INVS: variants seen among roughly 807,000 people sequenced by gnomAD.
INVS encodes inversin.
INVS carries 86 observed loss-of-function variants against 108.8 expected under a neutral mutation model. The ratio of observed to expected loss-of-function variants is 0.79; its 90% CI spans 0.66 to 0.95. The LOEUF is 0.95. INVS is among the 40% of genes least tolerant of loss of function. The pLI is 0.00. For missense variants in INVS, 1,169 were observed against 1,297.4 expected, an observed-to-expected ratio of 0.90 and a Z score of 1.52; for synonymous variants, 455 against 473.5, an observed-to-expected ratio of 0.96 and a Z score of 0.51.
intron 13 of INVS, among the ~76,000 whole-genome samples, chr9:100,290,516 A>AT (rs1833579564): frequency 6.6e-6 from 1 of 151,518 alleles, no homozygotes; most frequent in South Asian, 2.1e-4. Flanking sequence ...TGTCCAGCTA[A>AT]TTTTTTTGTA....
chr9:100,213,200 TG>T (rs34177133), intron 3 of INVS, among the ~76,000 whole-genome samples: 2 of 127,886 alleles, frequency 1.6e-5, no homozygotes, highest in African/African-American at 3.0e-5. Flanking sequence ...ACACATGAAT[TG>T]GGGGGGTTTG....
intron 3 of INVS, chr9:100,175,203 A>C: frequency 5.6e-6 from 3 of 539,770 alleles, no homozygotes; most frequent in Admixed American, 5.3e-5. Flanking sequence ...GCTTGTCCCC[A>C]AAACCTGCCT....
chr9:100,203,501 CTTT>C (rs34618293), intron 3 of INVS, among the ~76,000 whole-genome samples: 4 of 123,118 alleles, frequency 3.2e-5, no homozygotes, highest in African/African-American at 6.4e-5. Flanking sequence ...CCAAAGCTTC[CTTT>C]TTTTTTTTTT....
chr9:100,282,496 G>A (rs1285779516), intron 12 of INVS, among the ~76,000 whole-genome samples: 1 of 152,178 alleles, frequency 6.6e-6, no homozygotes, highest in Non-Finnish European at 1.5e-5. Flanking sequence ...AGTTTCAGAA[G>A]GGGAATTTAA....
intron 3 of INVS, among the ~76,000 whole-genome samples, chr9:100,160,267 C>T (rs1254111719): frequency 6.6e-6 from 1 of 152,202 alleles, no homozygotes; most frequent in Non-Finnish European, 1.5e-5. Flanking sequence ...GCCGCTGAGA[C>T]AGGACTGCTA....
intron 3 of INVS, among the ~76,000 whole-genome samples, chr9:100,147,225 A>G (rs1459530096): frequency 6.6e-6 from 1 of 152,212 alleles, no homozygotes; most frequent in African/African-American, 2.4e-5. Flanking sequence ...GGCCCTCTAC[A>G]TACTCAGTCT....
chr9:100,233,721 G>C (rs578209793), intron 5 of INVS, among the ~76,000 whole-genome samples: 2 of 152,216 alleles, frequency 1.3e-5, no homozygotes, highest in Non-Finnish European at 1.5e-5. Flanking sequence ...GGATGAAGCT[G>C]ACTTGATCAT....
chr9:100,216,153 G>T (rs1830979619), intron 3 of INVS, among the ~76,000 whole-genome samples: 1 of 152,122 alleles, frequency 6.6e-6, no homozygotes, highest in South Asian at 2.1e-4. Context: ...TGTAGTTTGT[G>T]GCCCCAAACA....
intron 12 of INVS, among the ~76,000 whole-genome samples, chr9:100,273,600 C>G (rs1270261071): frequency 1.4e-5 from 2 of 138,200 alleles, no homozygotes; most frequent in Non-Finnish European, 3.0e-5. Flanking sequence ...TGCAGTGGCA[C>G]AACCTCGGCT....
At chr9:100,167,865 G>A (rs1829417141) in intron 3 of INVS, among the ~76,000 whole-genome samples, 2 of 151,934 alleles carry the variant, frequency 1.3e-5, no homozygotes, top group Admixed American at 1.3e-4. Context: ...TATATTGTGG[G>A]CAAAAAACAT....
intron 3 of INVS, among the ~76,000 whole-genome samples, chr9:100,151,368 A>G (rs1411846509): frequency 2.6e-5 from 4 of 152,058 alleles, no homozygotes; most frequent in African/African-American, 7.2e-5. Context: ...GGTCCTAGCC[A>G]CTCAGGAGGC....
rs1182043308 is a variant in INVS, at chr9:100,100,872, T to A, written c.-25+1456T>A. On this transcript the variant is annotated intron_variant, in intron 1 of 16. Transcript: ENST00000262457. ...ATATATGTATATATAATATATATAT[T>A]ATATATGTATATATAATATATATTA... Among the ~76,000 whole-genome samples, 75 of 29,234 alleles carry A rather than the reference T, an allele frequency of 2.6e-3. 10 individuals are homozygous for A. Among genetic ancestry groups the A allele is most frequent in the South Asian group, 4.6e-3 (6 of 1,302 alleles). 19.2% of individuals were successfully genotyped at this position (29,234 alleles called of 152,430 possible).
intron 3 of INVS, among the ~76,000 whole-genome samples, chr9:100,218,060 T>C (rs1039371090): frequency 6.6e-6 from 1 of 152,022 alleles, no homozygotes; most frequent in Non-Finnish European, 1.5e-5. Context: ...TTTTAAGTAA[T>C]GTATTTTGGG....
intron 6 of INVS, among the ~76,000 whole-genome samples, chr9:100,240,582 T>A (rs1831836860): frequency 6.6e-6 from 1 of 152,092 alleles, no homozygotes. Flanking sequence ...ACTATGATAT[T>A]TGAGTTTTTT....
chr9:100,183,747 C>A (rs1318356042), intron 3 of INVS, among the ~76,000 whole-genome samples: 1 of 142,024 alleles, frequency 7.0e-6, no homozygotes, highest in Non-Finnish European at 1.5e-5. Flanking sequence ...GCCGAGATCG[C>A]GCCACTGTAC....
chr9:100,242,388 T>C (rs1831903920), intron 6 of INVS, among the ~76,000 whole-genome samples, 182 bp from the exon 7 acceptor site: 1 of 152,214 alleles, frequency 6.6e-6, no homozygotes, highest in South Asian at 2.1e-4. Context: ...TTTCATTCTG[T>C]TCTACCTCAT....
At chr9:100,231,338 A>G (rs1199900637) in intron 5 of INVS, among the ~76,000 whole-genome samples, 1 of 152,062 alleles carries the variant, frequency 6.6e-6, no homozygotes, top group Non-Finnish European at 1.5e-5. Flanking sequence ...ATTATTTTAC[A>G]TCCTGAAATA....
intron 8 of INVS, among the ~76,000 whole-genome samples, chr9:100,251,604 C>T (rs1832238836): frequency 6.6e-6 from 1 of 152,164 alleles, no homozygotes; most frequent in Non-Finnish European, 1.5e-5. Flanking sequence ...TCTATTTTCT[C>T]CAGACTGGTC....
At chr9:100,254,725 G>A (rs1832357151) in intron 10 of INVS, among the ~76,000 whole-genome samples, 1 of 152,164 alleles carries the variant, frequency 6.6e-6, no homozygotes, top group South Asian at 2.1e-4. Flanking sequence ...TCAGATGATT[G>A]TAGATGTGTG....
Sources: allele counts gnomAD v4.1 joint callset (sites outside exome capture counted in the v4.1 genomes callset), GRCh38; gene constraint gnomAD v4.1.1; transcripts MANE v1.5; gene names NCBI Gene and HGNC (gene_info 2026-07-23, HGNC 2026-07-21).